The following RAE1 variants were observed in gnomAD, a reference collection of about 807,000 sequenced individuals.
The protein encoded by RAE1 is mRNA export factor RAE1.
Under a neutral mutation model 52.7 loss-of-function variants are expected in RAE1, and 13 were observed. That is an observed-to-expected ratio of 0.25 (90% CI 0.16 to 0.39). The LOEUF is 0.39. Ranked by LOEUF, RAE1 falls within the 10% of genes least tolerant of loss-of-function variation. RAE1 has a pLI of 1.00. For missense variants in RAE1, 262 were observed against 459.8 expected (o/e 0.57, Z 3.93); for synonymous variants, 164 against 153.1 (o/e 1.07, Z -0.52).
chr20:57,357,540 C>G (rs945687050), intron 4 of RAE1: 1 of 151,928 alleles, frequency 6.6e-6, no homozygotes, highest in Non-Finnish European at 1.5e-5. Context: ...TTGGTCTTAG[C>G]GGTATTGGGG....
At chr20:57,369,193 A>G (rs1600722760) in intron 8 of RAE1, among the ~76,000 whole-genome samples, 3 of 152,210 alleles carry the variant, frequency 2.0e-5, no homozygotes, top group African/African-American at 4.8e-5. Flanking sequence ...TAAAGGCAAT[A>G]TGGTTGATGC....
At chr20:57,355,208 CTAGA>C (rs1173985460) in intron 3 of RAE1, among the ~76,000 whole-genome samples, 6 of 152,002 alleles carry the variant, frequency 3.9e-5, no homozygotes, top group Non-Finnish European at 7.4e-5. Flanking sequence ...ACAGATTTGC[CTAGA>C]TACTTACTCA....
intron 3 of RAE1, among the ~76,000 whole-genome samples, chr20:57,355,270 G>A (rs1247922455): frequency 2.0e-5 from 3 of 151,820 alleles, no homozygotes; most frequent in Non-Finnish European, 4.4e-5. Context: ...CTAAAAGAAA[G>A]AAAACTCTGG....
chr20:57,360,873 C>G (rs375612904), intron 4 of RAE1, among the ~76,000 whole-genome samples: 1 of 152,146 alleles, frequency 6.6e-6, no homozygotes, highest in East Asian at 1.9e-4. Flanking sequence ...TTTGTGCATG[C>G]TTGATACCTG....
chr20:57,377,498 G>A (rs574334167), intron 11 of RAE1, among the ~76,000 whole-genome samples: 172 of 152,240 alleles, frequency 1.1e-3, no homozygotes, highest in African/African-American at 3.9e-3. Flanking sequence ...CATCCCCTCC[G>A]GTGTGGGCCC....
At chr20:57,367,112 TA>T (rs113847464) in intron 7 of RAE1, 33 bp downstream of exon 7, 616 of 1,316,566 alleles carry the variant, frequency 4.7e-4, no homozygotes, top group African/African-American at 1.3e-3. Context: ...GTATTTACTT[TA>T]AAAAAAAAAC....
chr20:57,352,554 T>C (rs1297179876), intron 1 of RAE1, among the ~76,000 whole-genome samples: 2 of 152,236 alleles, frequency 1.3e-5, no homozygotes, highest in African/African-American at 4.8e-5. Context: ...TAAGGTGTGG[T>C]CCACACTGAC....
chr20:57,365,504 T>C (rs1218122541), intron 5 of RAE1, 62 bp downstream of exon 5: 3 of 1,120,934 alleles, frequency 2.7e-6, no homozygotes, highest in Admixed American at 2.4e-5. Flanking sequence ...GATGGCTCTT[T>C]AAGTGAAATA....
At chr20:57,361,174 A>G (rs2066886633) in intron 4 of RAE1, among the ~76,000 whole-genome samples, 1 of 152,192 alleles carries the variant, frequency 6.6e-6, no homozygotes, top group Non-Finnish European at 1.5e-5. Flanking sequence ...GGATTGGCAG[A>G]GGTTTGGCTG....
intron 11 of RAE1, among the ~76,000 whole-genome samples, chr20:57,376,239 G>T (rs1394554559): frequency 1.3e-5 from 2 of 152,172 alleles, no homozygotes; most frequent in Non-Finnish European, 2.9e-5. Flanking sequence ...ATGAAGCTGT[G>T]TTCTTTTTTT....
In RAE1 at chr20:57,366,818, T is replaced by G; in HGVS notation, c.387T>G (p.Pro129=). The G allele has an allele frequency of 6.2e-7, 1 of 1,612,682 alleles. No homozygotes were observed. The highest frequency in any genetic ancestry group is 8.5e-7 in the Non-Finnish European group (1 of 1,178,642). ...TGTCTTGTTGAAAGCATGATGCTCC[T>G]GTTAAAACCATCCATTGGATCAAAG... is the stretch of plus-strand genomic sequence containing the variant. ...QAIQIAQHDA[P]VKTIHWIKAP... The change falls in exon 6 of 12, where the codon CCT becomes CCG. Residue 129 remains proline, a synonymous_variant. Transcript: ENST00000395841.
At chr20:57,370,181 C>T (rs149759226) in intron 8 of RAE1, among the ~76,000 whole-genome samples, 34 of 152,294 alleles carry the variant, frequency 2.2e-4, no homozygotes, top group African/African-American at 7.5e-4. Flanking sequence ...CCCTCACCTC[C>T]CACTCATTTC....
chr20:57,368,555 A>G lies in RAE1; in HGVS notation c.535-150A>G, dbSNP rs909186090. On this transcript the variant is annotated intron_variant, in intron 7 of 11. Coordinates refer to ENST00000395841, the MANE Select transcript of RAE1 (RefSeq NM_003610.4). ...AAATATATGAATGTTCTACTTTCAAATACTATTTCTCTAGGTTTTAGTGAA... is the reference window on the plus strand; with the variant it reads ...AAATATATGAATGTTCTACTTTCAAGTACTATTTCTCTAGGTTTTAGTGAA... 1.1e-5 allele frequency: 6 copies of G among 546,492 alleles called. No individual in the cohort carries two copies. The African/African-American group carries it at 1.1e-4, about 10-fold the overall frequency. The allele number at this position is 546,492 out of a possible 1,614,324, so 33.9% of individuals were successfully genotyped here.
intron 5 of RAE1, among the ~76,000 whole-genome samples, chr20:57,366,340 A>G (rs1320235667): frequency 2.6e-5 from 4 of 152,198 alleles, no homozygotes; most frequent in Non-Finnish European, 4.4e-5. Context: ...GAGAAAAGAA[A>G]TTTAGTTTGC....
At chr20:57,360,568 T>A (rs903058792) in intron 4 of RAE1, among the ~76,000 whole-genome samples, 14 of 152,240 alleles carry the variant, frequency 9.2e-5, no homozygotes, top group African/African-American at 3.4e-4. Context: ...GGTTTAGGGC[T>A]AAGCATAGAG....
At position 57,373,554 on chromosome 20, in the gene RAE1, C is replaced by A; in HGVS notation, c.722C>A (p.Ala241Asp). 6.2e-7 allele frequency: 1 copy of A among 1,614,058 alleles called. No individual in the cohort carries two copies. The highest frequency in any genetic ancestry group is 8.5e-7 in the Non-Finnish European group (1 of 1,179,944). ...CTGGGAAGTATCGAGGGGAGAGTTG[C>A]TATTCACTATATCAACCCCCCGAAC... ...FALGSIEGRV[A>D]IHYINPPNPA... The change falls in exon 9 of 12, where the codon GCT becomes GAT. Residue 241 changes from alanine to aspartate, a missense_variant. By Grantham distance (126) the Ala-to-Asp change is moderately radical (BLOSUM62 -2). Transcript: ENST00000395841.
At chr20:57,354,916 C>T (rs2066762433) in intron 3 of RAE1, 100 bp downstream of exon 3, 5 of 859,118 alleles carry the variant, frequency 5.8e-6, no homozygotes, top group Non-Finnish European at 3.5e-6. Context: ...ATCAGTTGGA[C>T]TTATTTATGG....
intron 4 of RAE1, 84 bp downstream of exon 4, chr20:57,356,622 CAT>C (rs1228061203): frequency 4.4e-5 from 50 of 1,131,608 alleles, no homozygotes; most frequent in Non-Finnish European, 6.4e-5. Flanking sequence ...ACACAAATAG[CAT>C]ATATGTGTTC....
In RAE1 at chr20:57,354,835, C is replaced by T. The variant is rs377156077; in HGVS notation, c.195+19C>T. 1.4e-4 allele frequency: 207 copies of T among 1,528,118 alleles called. 1 individual carries two copies. The highest frequency in any genetic ancestry group is 6.8e-4 in the Middle Eastern group (4 of 5,846). The allele number at this position is 1,528,118 out of a possible 1,614,324, so 94.7% of individuals were successfully genotyped here. The stretch of plus-strand genomic sequence containing the variant: ...TAATGATGTAAGTGCTCCTTAAATA[C>T]GTGTTCTAGAAATCATCTCTCTTTG... On this transcript the variant is annotated intron_variant, in intron 3 of 11. Transcript: ENST00000395841.
Sources: gnomAD v4.1 joint callset for allele counts (sites outside exome capture counted in the v4.1 genomes callset) on GRCh38, gnomAD v4.1.1 for gene constraint, MANE v1.5 for transcripts, NCBI Gene and HGNC (gene_info 2026-07-23, HGNC 2026-07-21) for gene names.